Variants in CENPW observed in about 807,000 individuals in gnomAD.
CENPW encodes cancer-up-regulated gene 2 protein.
A neutral mutation model predicts 11.1 loss-of-function variants in CENPW; 3 were observed. The observed-to-expected ratio is 0.27, with a 90% confidence interval of 0.12 to 0.70. The LOEUF (loss-of-function observed/expected upper bound fraction) is 0.70, where lower values mean the gene tolerates loss of function less well. CENPW is among the 30% of genes least tolerant of loss of function. CENPW has a pLI of 0.77. For synonymous variants in CENPW, 38 were observed against 42.0 expected (o/e 0.91, Z 0.37); for missense variants, 100 against 105.6 (o/e 0.95, Z 0.23).
the CENPW span, among the ~76,000 whole-genome samples, chr6:126,397,075 G>T: frequency 2.0e-5 from 3 of 151,950 alleles, no homozygotes; most frequent in African/African-American, 7.2e-5. Context: ...GTCTCATTTG[G>T]TGTCTCCAAG....
At chr6:126,352,634 A>G (rs1040349446), downstream of CENPW, among the ~76,000 whole-genome samples, 3 of 152,108 alleles carry the variant, frequency 2.0e-5, no homozygotes, top group African/African-American at 7.2e-5. Context: ...TGTATGATAT[A>G]TATCTTCCAT....
the CENPW span, among the ~76,000 whole-genome samples, chr6:126,376,640 T>C: frequency 6.6e-6 from 1 of 152,160 alleles, no homozygotes; most frequent in South Asian, 2.1e-4. Context: ...AACTGGGCAT[T>C]ACTTAGGAAT....
At chr6:126,349,268 A>T (rs910339907), downstream of CENPW, among the ~76,000 whole-genome samples, 9 of 152,176 alleles carry the variant, frequency 5.9e-5, no homozygotes, top group African/African-American at 2.2e-4. Context: ...CAATGGTTAC[A>T]TCTTACATAA....
At chr6:126,476,243 T>A in the CENPW span, among the ~76,000 whole-genome samples, 2 of 152,014 alleles carry the variant, frequency 1.3e-5, no homozygotes, top group South Asian at 4.1e-4. Flanking sequence ...TGTGGTCAGT[T>A]GAAGCTCAAA....
chr6:126,466,491 G>T, the CENPW span, among the ~76,000 whole-genome samples: 5 of 152,216 alleles, frequency 3.3e-5, no homozygotes, highest in African/African-American at 1.2e-4. Flanking sequence ...GAGATTTACA[G>T]ATAAGCAGGG....
the CENPW span, among the ~76,000 whole-genome samples, chr6:126,417,126 T>C: frequency 6.6e-6 from 1 of 152,206 alleles, no homozygotes; most frequent in African/African-American, 2.4e-5. Flanking sequence ...GTGACCTGGA[T>C]GTGAGTCATG....
chr6:126,345,009 TG>T (rs1375156726), intron 1 of CENPW, among the ~76,000 whole-genome samples: 1 of 152,144 alleles, frequency 6.6e-6, no homozygotes, highest in Non-Finnish European at 1.5e-5. Context: ...CTCAGGTACC[TG>T]GCAGAAGCAA....
chr6:126,360,574 T>C, the CENPW span, among the ~76,000 whole-genome samples: 1 of 152,202 alleles, frequency 6.6e-6, no homozygotes, highest in African/African-American at 2.4e-5. Flanking sequence ...CTTGTAAGTT[T>C]GGTATCTTTA....
At chr6:126,396,905 T>C in the CENPW span, among the ~76,000 whole-genome samples, 1 of 151,986 alleles carries the variant, frequency 6.6e-6, no homozygotes, top group Non-Finnish European at 1.5e-5. Context: ...CCTATTATAT[T>C]GTGGTTGAAC....
the CENPW span, among the ~76,000 whole-genome samples, chr6:126,425,293 A>G: frequency 5.3e-5 from 8 of 152,128 alleles, no homozygotes; most frequent in East Asian, 1.2e-3. Flanking sequence ...TTGGACTTCA[A>G]TTGAGGTCAA....
the CENPW span, among the ~76,000 whole-genome samples, chr6:126,458,639 C>T: frequency 2.6e-5 from 4 of 151,234 alleles, no homozygotes; most frequent in South Asian, 2.1e-4. Flanking sequence ...TTAGTAGAAT[C>T]AACCTACTGA....
the CENPW span, among the ~76,000 whole-genome samples, chr6:126,403,652 A>T: frequency 1.3e-5 from 2 of 152,064 alleles, no homozygotes; most frequent in Admixed American, 6.6e-5. Flanking sequence ...GTAACATAAA[A>T]GTACAAGATG....
chr6:126,444,515 C>G, the CENPW span, among the ~76,000 whole-genome samples: 2 of 151,028 alleles, frequency 1.3e-5, no homozygotes, highest in Admixed American at 1.3e-4. Context: ...GTTTAGTCAT[C>G]ATTTCTGAAA....
chr6:126,371,691 C>T, the CENPW span, among the ~76,000 whole-genome samples: 3 of 152,086 alleles, frequency 2.0e-5, no homozygotes, highest in Non-Finnish European at 4.4e-5. Context: ...TAGAATTCAG[C>T]TGTGAATCCA....
At chr6:126,406,960 A>G in the CENPW span, among the ~76,000 whole-genome samples, 23 of 152,086 alleles carry the variant, frequency 1.5e-4, no homozygotes, top group East Asian at 4.4e-3. Context: ...TCCAGGGTAC[A>G]TGTGCAGGAT....
At chr6:126,367,456 C>T in the CENPW span, among the ~76,000 whole-genome samples, 3 of 151,284 alleles carry the variant, frequency 2.0e-5, no homozygotes, top group Non-Finnish European at 4.4e-5. Flanking sequence ...TTTTTGGCAC[C>T]AAGTTTAGAC....
chr6:126,378,492 C>T, the CENPW span, among the ~76,000 whole-genome samples: 1 of 150,400 alleles, frequency 6.6e-6, no homozygotes, highest in South Asian at 2.1e-4. Context: ...CTAATATTAA[C>T]TTCAATCAAT....
rs143719119 is a variant in CENPW at position 126,346,253 on chromosome 6, A to G, written c.175A>G (p.Arg59Gly). The G allele has an allele frequency of 9.9e-6, 16 of 1,608,864 alleles. No homozygotes were observed. The highest frequency in any genetic ancestry group is 2.7e-5 in the African/African-American group (2 of 74,892). The change falls in exon 2 of 3, where the codon AGG becomes GGG. Residue 59 changes from arginine (R) to glycine (G), a missense_variant. Transcript: ENST00000368328. ...TGTTCATCGATTAGCAGAAGAGTCC[A>G]GGACAAACGCTTGTGCGAGTAAATG... is the stretch of plus-strand genomic sequence containing the variant. ...LFVHRLAEES[R>G]TNACASKCRV... is the part of the protein sequence containing the mutation.
the CENPW span, among the ~76,000 whole-genome samples, chr6:126,438,782 G>A: frequency 6.6e-6 from 1 of 151,632 alleles, no homozygotes; most frequent in Non-Finnish European, 1.5e-5. Flanking sequence ...ATGACAAAAT[G>A]AGATAGGACT....
Sources: allele counts gnomAD v4.1 joint callset (sites outside exome capture counted in the v4.1 genomes callset), GRCh38; gene constraint gnomAD v4.1.1; transcripts MANE v1.5; gene names NCBI Gene and HGNC (gene_info 2026-07-23, HGNC 2026-07-21).